Variants in ZFHX3 observed in about 807,000 individuals in gnomAD.
The protein encoded by ZFHX3 is zinc finger homeobox 3.
ZFHX3 carries 42 observed loss-of-function variants against 279.1 expected under a neutral mutation model. That is an observed-to-expected ratio of 0.15 (90% CI 0.12 to 0.19). The LOEUF (loss-of-function observed/expected upper bound fraction) is 0.19, where lower values mean the gene tolerates loss of function less well. Ranked by LOEUF, ZFHX3 falls within the 10% of genes least tolerant of loss-of-function variation. The pLI is 1.00. For missense variants in ZFHX3, 4,981 were observed against 4,754.0 expected (o/e 1.05, Z -1.40); for synonymous variants, 2,293 against 1,957.8 (o/e 1.17, Z -4.52).
intron 7 of ZFHX3, among the ~76,000 whole-genome samples, chr16:73,101,373 G>T (rs1297275752): frequency 6.6e-6 from 1 of 152,050 alleles, no homozygotes; most frequent in Non-Finnish European, 1.5e-5. Flanking sequence ...TAATTACCGT[G>T]TTGAAAGGTA....
At chr16:72,884,029 A>G (rs1202463485) in intron 4 of ZFHX3, among the ~76,000 whole-genome samples, 1 of 152,218 alleles carries the variant, frequency 6.6e-6, no homozygotes, top group Non-Finnish European at 1.5e-5. Context: ...TTTACAAAAA[A>G]AAAAAAAGAT....
At chr16:72,984,499 G>A (rs912566377) in intron 1 of ZFHX3, among the ~76,000 whole-genome samples, 2 of 151,948 alleles carry the variant, frequency 1.3e-5, no homozygotes, top group African/African-American at 2.4e-5. Flanking sequence ...GGTGGTGCAC[G>A]CCTGTGAATC....
chr16:73,766,949 TTTC>T (rs201007790), intron 1 of ZFHX3, among the ~76,000 whole-genome samples: 5,045 of 138,176 alleles, frequency 0.037, 296 homozygotes, highest in African/African-American at 0.13. Flanking sequence ...TTTTTTTTTT[TTTC>T]CGAGATGGAG....
chr16:73,296,877 A>ATGTTTTTTTTTTTTTTTTTTTTT (rs755308796), intron 4 of ZFHX3, among the ~76,000 whole-genome samples: 1 of 116,068 alleles, frequency 8.6e-6, no homozygotes, highest in African/African-American at 3.5e-5. Context: ...TGAAGCAGGA[A>ATGTTTTTTTTTTTTTTTTTTTTT]TTTTTTTTTT....
intron 2 of ZFHX3, among the ~76,000 whole-genome samples, chr16:73,646,499 G>A (rs2052619536): frequency 6.6e-6 from 1 of 151,992 alleles, no homozygotes; most frequent in Admixed American, 6.6e-5. Context: ...AAAGCAGATT[G>A]ATGAAAATAA....
chr16:73,495,285 C>T (rs1027738103), intron 2 of ZFHX3, among the ~76,000 whole-genome samples: 2 of 150,910 alleles, frequency 1.3e-5, no homozygotes, highest in African/African-American at 2.4e-5. Context: ...TGCTCTGTAT[C>T]GGAGGTGAAT....
intron 1 of ZFHX3, among the ~76,000 whole-genome samples, chr16:73,790,081 A>C (rs958840060): frequency 6.6e-6 from 1 of 152,164 alleles, no homozygotes; most frequent in African/African-American, 2.4e-5. Flanking sequence ...TTGCCATGCA[A>C]AAGGTCTCAT....
chr16:72,933,747 A>C (rs1959947936), intron 3 of ZFHX3, among the ~76,000 whole-genome samples: 1 of 151,832 alleles, frequency 6.6e-6, no homozygotes, highest in South Asian at 2.1e-4. Context: ...CTTCCTGACT[A>C]GCAAAACACT....
intron 1 of ZFHX3, among the ~76,000 whole-genome samples, chr16:73,886,689 T>C (rs1437492792): frequency 1.3e-5 from 2 of 152,188 alleles, no homozygotes; most frequent in East Asian, 1.9e-4. Flanking sequence ...GTGAGGAGAA[T>C]GTATCAATTG....
chr16:73,816,635 G>C (rs997862965), intron 1 of ZFHX3, among the ~76,000 whole-genome samples: 29 of 152,164 alleles, frequency 1.9e-4, no homozygotes, highest in South Asian at 4.1e-4. Context: ...GAGATGGGGG[G>C]GGAGAGAAAA....
At chr16:73,515,788 C>T (rs930586190) in intron 2 of ZFHX3, among the ~76,000 whole-genome samples, 3 of 152,218 alleles carry the variant, frequency 2.0e-5, no homozygotes, top group East Asian at 3.9e-4. Context: ...TTCTTGGAGC[C>T]GTATCTATAT....
At chr16:73,461,726 T>A (rs528406021) in intron 2 of ZFHX3, among the ~76,000 whole-genome samples, 46 of 152,350 alleles carry the variant, frequency 3.0e-4, no homozygotes, top group Non-Finnish European at 4.4e-4. Context: ...GGTTTTCTAT[T>A]CTTCTTCATT....
chr16:73,165,344 G>T (rs2097075592), intron 5 of ZFHX3, among the ~76,000 whole-genome samples: 1 of 152,138 alleles, frequency 6.6e-6, no homozygotes, highest in Non-Finnish European at 1.5e-5. Context: ...CTCCAAGGAG[G>T]TCTTGTACGA....
chr16:73,762,093 G>A (rs2053874346), intron 1 of ZFHX3, among the ~76,000 whole-genome samples: 2 of 151,092 alleles, frequency 1.3e-5, no homozygotes, highest in Admixed American at 1.3e-4. Context: ...TCTGACAAAG[G>A]TCTAATATCC....
chr16:73,723,635 T>G (rs746654558), intron 1 of ZFHX3, among the ~76,000 whole-genome samples: 8 of 152,228 alleles, frequency 5.3e-5, no homozygotes, highest in Admixed American at 3.3e-4. Context: ...AATATTTACT[T>G]TCTTTGTTTT....
intron 7 of ZFHX3, among the ~76,000 whole-genome samples, chr16:73,098,017 G>C: frequency 6.6e-6 from 1 of 151,320 alleles, no homozygotes; most frequent in East Asian, 1.9e-4. Flanking sequence ...TTGGCTATTG[G>C]AATAATGTTG....
intron 3 of ZFHX3, among the ~76,000 whole-genome samples, chr16:73,431,572 C>T (rs2017912739): frequency 2.0e-5 from 3 of 152,092 alleles, no homozygotes; most frequent in East Asian, 3.8e-4. Flanking sequence ...TATAAAAGTA[C>T]ATATATATTC....
intron 3 of ZFHX3, 46 bp downstream of exon 3, chr16:72,950,423 C>T (rs745854301): frequency 1.9e-6 from 3 of 1,592,192 alleles, no homozygotes; most frequent in Admixed American, 1.7e-5. Context: ...TGCGCAACCC[C>T]CTCCTTTCAG....
intron 1 of ZFHX3, among the ~76,000 whole-genome samples, chr16:72,964,083 T>A (rs1333288860): frequency 1.3e-5 from 2 of 152,038 alleles, no homozygotes; most frequent in Non-Finnish European, 2.9e-5. Flanking sequence ...CCCTGGGTGA[T>A]CCCCTGCTCT....
Sources: gnomAD v4.1 joint callset for allele counts (sites outside exome capture counted in the v4.1 genomes callset) on GRCh38, gnomAD v4.1.1 for gene constraint, MANE v1.5 for transcripts, NCBI Gene and HGNC (gene_info 2026-07-23, HGNC 2026-07-21) for gene names.